Variants in ICE1 observed in about 807,000 individuals in gnomAD.
The protein encoded by ICE1 is little elongation complex subunit 1.
Under a neutral mutation model 192.7 loss-of-function variants are expected in ICE1, and 64 were observed. The observed-to-expected ratio is 0.33, with a 90% CI of 0.27 to 0.41. ICE1 has a LOEUF of 0.41. Ranked by LOEUF, ICE1 falls within the 10% of genes least tolerant of loss-of-function variation. The probability of loss-of-function intolerance (pLI) is 1.00; values close to 1 mark genes in which losing one functional copy is unlikely to be tolerated. For missense variants in ICE1, 2,708 were observed against 2,696.0 expected (o/e 1.00, Z -0.10); for synonymous variants, 1,010 against 984.5 (o/e 1.03, Z -0.49).
In ICE1 at chr5:5,463,994, A is replaced by C; in HGVS notation, c.4660A>C (p.Asn1554His). Residue 1554 changes from asparagine to histidine, a missense_variant, in exon 13 of 19, where the codon AAT becomes CAT. Asn to His is a moderately conservative substitution (Grantham distance 68, BLOSUM62 1). Around this residue, in one of 2 missense-constraint regions of ICE1, gnomAD observed 2,366 missense variants for 2,276.6 expected, o/e 1.04. Transcript: ENST00000296564. ...ACTAGAGCCATCTGGCAAAAATAAG[A>C]ATCGATCAAAGATTTCAAACAAAGA... The part of the protein sequence containing the change: ...SKLEPSGKNK[N>H]RSKISNKDQS... 1.2e-6 allele frequency: 2 copies of C among 1,613,824 alleles called. No individual in the cohort carries two copies. Among genetic ancestry groups the C allele is most frequent in the Non-Finnish European group, 1.7e-6 (2 of 1,179,848 alleles).
intron 17 of ICE1, among the ~76,000 whole-genome samples, chr5:5,478,793 A>G (rs1049377929): frequency 6.6e-6 from 1 of 152,186 alleles, no homozygotes; most frequent in Non-Finnish European, 1.5e-5. Flanking sequence ...ATAACTACAC[A>G]TCTACAGCCA....
chr5:5,476,496 G>T (rs907528551), intron 17 of ICE1, among the ~76,000 whole-genome samples: 2 of 152,166 alleles, frequency 1.3e-5, no homozygotes, highest in African/African-American at 4.8e-5. Flanking sequence ...TTCCAGTTCT[G>T]CAGGCTTTAC....
Position 5,461,121 on chromosome 5 carries a change from AAG to A in ICE1, c.1789_1790del (p.Glu597ArgfsTer12). On this transcript the variant is annotated frameshift_variant, in exon 13 of 19. Coordinates refer to ENST00000296564, the MANE Select transcript of ICE1 (RefSeq NM_015325.3). LOFTEE classifies it high-confidence loss of function. ...CTATCTAGAGAATTGGAAAAGGAAA[AAG>A]AAGATACTCAAGGGTTCACTTTAGG... is the stretch of plus-strand genomic sequence containing the variant. The A allele has an allele frequency of 1.2e-6, 2 of 1,614,076 alleles. No individual in the cohort carries two copies. Among genetic ancestry groups the A allele is most frequent in the South Asian group, 1.1e-5 (1 of 91,084 alleles).
chr5:5,455,826 AG>A (rs1738566608), intron 11 of ICE1, among the ~76,000 whole-genome samples: 1 of 152,230 alleles, frequency 6.6e-6, no homozygotes, highest in Non-Finnish European at 1.5e-5. Context: ...CGTTTGGTAC[AG>A]CCCTATTAAC....
chr5:5,451,056 A>T (rs971393737), intron 10 of ICE1, among the ~76,000 whole-genome samples: 2 of 152,156 alleles, frequency 1.3e-5, no homozygotes, highest in South Asian at 2.1e-4. Context: ...AGTGAACAAT[A>T]AAAAATACCT....
intron 17 of ICE1, among the ~76,000 whole-genome samples, chr5:5,486,219 C>T (rs1322173825): frequency 2.6e-5 from 4 of 152,170 alleles, no homozygotes; most frequent in East Asian, 1.9e-4. Flanking sequence ...TCCCATTTAG[C>T]GAGGTGCCAC....
rs1392198165 is a variant in ICE1, at chr5:5,444,339, A to G, written c.424+13A>G. 6.4e-7 allele frequency: 1 copy of G among 1,559,016 alleles called. No homozygotes were observed. The highest frequency in any genetic ancestry group is 2.4e-5 in the East Asian group (1 of 42,464). ...AAGAAGCTGCAAGGTAAGTGGCACT[A>G]TTGTTACCTGAAGTTTTCGGTCAGT... On this transcript the variant is annotated intron_variant, in intron 7 of 18. Coordinates refer to ENST00000296564, the MANE Select transcript of ICE1 (RefSeq NM_015325.3).
intron 1 of ICE1, among the ~76,000 whole-genome samples, 193 bp from the exon 2 acceptor site, chr5:5,436,225 T>C (rs1249834548): frequency 6.6e-6 from 1 of 152,210 alleles, no homozygotes; most frequent in East Asian, 1.9e-4. Context: ...AAAGGAGTAC[T>C]ATCATTCAGA....
chr5:5,478,879 A>C (rs1229384645), intron 17 of ICE1, among the ~76,000 whole-genome samples: 1 of 152,216 alleles, frequency 6.6e-6, no homozygotes. Flanking sequence ...TGGTGCTGGG[A>C]AAACTGGCTA....
At chr5:5,428,072 T>C (rs1737578463) in intron 1 of ICE1, among the ~76,000 whole-genome samples, 1 of 151,982 alleles carries the variant, frequency 6.6e-6, no homozygotes, top group African/African-American at 2.4e-5. Context: ...TGCCAAGGCC[T>C]GGAGGGGAGA....
intron 12 of ICE1, among the ~76,000 whole-genome samples, chr5:5,458,341 T>C (rs1738648045): frequency 6.6e-6 from 1 of 152,178 alleles, no homozygotes; most frequent in Non-Finnish European, 1.5e-5. Flanking sequence ...GGCTAGACAC[T>C]GGGTGTGCAG....
rs1738837901 is a variant in ICE1 at position 5,462,766 on chromosome 5, A to G, written c.3432A>G (p.Arg1144=). The stretch of plus-strand genomic sequence containing the variant: ...CAGATGCTGCTGTAGCCGAGGTGAG[A>G]CCTTCCTTAGAGGTAGGTTATTTGA... ...GDTDAAVAEV[R]PSLEVGYLTS... is the part of the protein sequence containing the mutation. Residue 1144 remains arginine, a synonymous_variant, in exon 13 of 19, where the codon AGA becomes AGG. Transcript: ENST00000296564. 2.5e-6 allele frequency: 4 copies of G among 1,613,726 alleles called. No individual in the cohort carries two copies. The African/African-American group carries it at 4.0e-5, about 16-fold the overall frequency.
rs1356510290 is a variant in ICE1, at chr5:5,463,092, A to G, written c.3758A>G (p.Gln1253Arg). 1.2e-6 allele frequency: 2 copies of G among 1,613,382 alleles called. No homozygotes were observed. Among genetic ancestry groups the G allele is most frequent in the African/African-American group, 1.3e-5 (1 of 74,936 alleles). Reference protein sequence around the residue: ...YSLKNTSQLTQCSLETLSEVL... With the variant: ...YSLKNTSQLTRCSLETLSEVL... ...TTAAAAAATACAAGTCAGCTCACTCAGTGTTCTTTGGAAACTCTGTCTGAG... is the reference window on the plus strand; with the variant it reads ...TTAAAAAATACAAGTCAGCTCACTCGGTGTTCTTTGGAAACTCTGTCTGAG... Residue 1253 changes from glutamine to arginine, a missense_variant, in exon 13 of 19, where the codon CAG (glutamine) becomes CGG (arginine). By Grantham distance (43) the Gln-to-Arg change is conservative. This residue lies in a region of ICE1 where 2,366 missense variants were observed against 2,276.6 expected (regional missense o/e 1.04). Transcript: ENST00000296564.
In ICE1 at chr5:5,464,074, G is replaced by C; in HGVS notation, c.4740G>C (p.Gln1580His). 6.2e-7 allele frequency: 1 copy of C among 1,613,608 alleles called. No individual in the cohort carries two copies. Among genetic ancestry groups the C allele is most frequent in the African/African-American group, 1.3e-5 (1 of 75,022 alleles). ...TSASSRVETH[Q>H]SEVAQSFSGE... ...CGTCGAGCAGAGTTGAAACTCATCA[G>C]AGTGAAGTTGCTCAGTCATTTTCAG... The change falls in exon 13 of 19, where the codon CAG becomes CAC. Residue 1580 changes from glutamine to histidine, a missense_variant. Gln to His is a conservative substitution (Grantham distance 24). Around this residue, in one of 2 missense-constraint regions of ICE1, gnomAD observed 2,366 missense variants for 2,276.6 expected, o/e 1.04. Transcript: ENST00000296564. The surrounding 1 kb of genome is among the most constrained non-coding windows in gnomAD (Gnocchi z 4.0).
At position 5,447,472 on chromosome 5, in the gene ICE1, A is replaced by G. The variant is rs1738265548; in HGVS notation, c.470A>G (p.Glu157Gly). Reference protein sequence around the residue: ...QTQDFKQLRNEKKILEKEFKK... With the variant: ...QTQDFKQLRNGKKILEKEFKK... The stretch of plus-strand genomic sequence containing the variant: ...CAGGACTTCAAGCAACTGAGAAATG[A>G]AAAGAAAATACTTGAAAAGGAATTT... Residue 157 changes from glutamate to glycine, a missense_variant, in exon 8 of 19, where the codon GAA becomes GGA. By Grantham distance (98) the Glu-to-Gly change is moderately conservative. This residue lies in a region of ICE1 where 2,366 missense variants were observed against 2,276.6 expected (regional missense o/e 1.04). Coordinates refer to ENST00000296564, the MANE Select transcript of ICE1 (RefSeq NM_015325.3). The G allele has an allele frequency of 6.4e-7, 1 of 1,552,818 alleles. No homozygotes were observed.
At position 5,462,741 on chromosome 5, in the gene ICE1, C is replaced by T. The variant is rs371324612; in HGVS notation, c.3407C>T (p.Thr1136Ile). 1.7e-4 allele frequency: 279 copies of T among 1,613,668 alleles called. No individual in the cohort carries two copies. Among genetic ancestry groups the T allele is most frequent in the Non-Finnish European group, 2.3e-4 (274 of 1,179,788 alleles). The change falls in exon 13 of 19, where the codon ACA (threonine) becomes ATA (isoleucine). Residue 1136 changes from threonine (T) to isoleucine (I), a missense_variant. Thr to Ile is a moderately conservative substitution (Grantham distance 89). Transcript: ENST00000296564. The stretch of plus-strand genomic sequence containing the variant: ...GACTCACAGAAAAATTTAGGAGACA[C>T]AGATGCTGCTGTAGCCGAGGTGAGA... ...PDDSQKNLGD[T>I]DAAVAEVRPS...
rs376729235 is a variant in ICE1, at chr5:5,467,216, GTCAT to G, written c.6061+722_6061+725del. ...CTTCATTTCTTTGTTTACTCTCTCA[GTCAT>G]TCATTCAACAAATCATTATGGAGTG... is the stretch of plus-strand genomic sequence containing the variant. On this transcript the variant is annotated intron_variant, in intron 14 of 18. Transcript: ENST00000296564. Among the ~76,000 whole-genome samples, 217 of 152,216 alleles carry G rather than the reference GTCAT, an allele frequency of 1.4e-3. 1 individual carries two copies. Among genetic ancestry groups the G allele is most frequent in the African/African-American group, 4.8e-3 (200 of 41,516 alleles).
chr5:5,449,214 G>A (rs1293946482), intron 10 of ICE1, among the ~76,000 whole-genome samples: 5 of 152,076 alleles, frequency 3.3e-5, no homozygotes, highest in Admixed American at 6.6e-5. Flanking sequence ...GCAGGGATAT[G>A]TCTGTTGTAT....
rs1393686480 is a variant in ICE1, at chr5:5,462,293, C to T, written c.2959C>T (p.Pro987Ser). The change falls in exon 13 of 19, where the codon CCT (proline) becomes TCT (serine). Residue 987 changes from proline (P) to serine (S), a missense_variant. Physicochemically the swap from Pro to Ser is moderately conservative, Grantham distance 74 (BLOSUM62 -1). This residue lies in a region of ICE1 where 2,366 missense variants were observed against 2,276.6 expected (regional missense o/e 1.04). Transcript: ENST00000296564. ...VQGDGQKQRQPQATDLDSSGT... is the reference protein window; with the variant it reads ...VQGDGQKQRQSQATDLDSSGT... ...GGGAGATGGGCAGAAGCAAAGGCAG[C>T]CTCAGGCCACAGATCTGGACTCCAG... 6.2e-7 allele frequency: 1 copy of T among 1,613,766 alleles called. No homozygotes were observed. The highest frequency in any genetic ancestry group is 1.1e-5 in the South Asian group (1 of 91,072).
Sources: gnomAD v4.1 joint callset for allele counts (sites outside exome capture counted in the v4.1 genomes callset) on GRCh38, gnomAD v4.1.1 for gene constraint, gnomAD v4.1.1 regional missense constraint, Gnocchi (gnomAD v3.1) non-coding constraint, MANE v1.5 for transcripts, NCBI Gene and HGNC (gene_info 2026-07-23, HGNC 2026-07-21) for gene names.